Variants in BACH1 observed in about 807,000 individuals in gnomAD.
The protein encoded by BACH1 is transcription regulator protein BACH1.
BACH1 carries 35 observed loss-of-function variants against 52.9 expected under a neutral mutation model. The observed-to-expected ratio is 0.66, with a 90% confidence interval of 0.51 to 0.88. The LOEUF (loss-of-function observed/expected upper bound fraction) is 0.88, where lower values mean the gene tolerates loss of function less well. Ranked by LOEUF, BACH1 falls within the 40% of genes least tolerant of loss-of-function variation. BACH1 has a pLI of 0.00. For synonymous variants in BACH1, 321 were observed against 319.6 expected, an observed-to-expected ratio of 1.00 and a Z score of -0.05; for missense variants, 808 against 872.6, an observed-to-expected ratio of 0.93 and a Z score of 0.93.
intron 4 of BACH1, among the ~76,000 whole-genome samples, chr21:29,340,973 A>G (rs2089105198): frequency 6.6e-6 from 1 of 150,808 alleles, no homozygotes; most frequent in Non-Finnish European, 1.5e-5. Context: ...ATCTATTTAA[A>G]AAAAAAAAAA....
chr21:29,324,973 A>C (rs1351516187), intron 2 of BACH1, among the ~76,000 whole-genome samples: 1 of 152,300 alleles, frequency 6.6e-6, no homozygotes, highest in East Asian at 1.9e-4. Context: ...TCACGCCTGT[A>C]ATCCCAGCAC....
intron 2 of BACH1, among the ~76,000 whole-genome samples, chr21:29,356,169 G>C (rs1229278212): frequency 6.6e-6 from 1 of 152,200 alleles, no homozygotes; most frequent in African/African-American, 2.4e-5. Flanking sequence ...CTATTAAGTA[G>C]GGTATTAGTT....
At chr21:29,310,038 T>G (rs1420709125) in intron 1 of BACH1, among the ~76,000 whole-genome samples, 1 of 152,220 alleles carries the variant, frequency 6.6e-6, no homozygotes, top group African/African-American at 2.4e-5. Flanking sequence ...CCAAGTCTTC[T>G]TTTTATTTTA....
At chr21:29,324,791 C>T (rs555913387) in intron 2 of BACH1, among the ~76,000 whole-genome samples, 1 of 152,122 alleles carries the variant, frequency 6.6e-6, no homozygotes, top group Non-Finnish European at 1.5e-5. Context: ...AAGTTTTTTT[C>T]AAAGTGTCTG....
At chr21:29,352,693 GT>G (rs1423553472) in intron 2 of BACH1, 1 of 151,338 alleles carries the variant, frequency 6.6e-6, no homozygotes, top group Non-Finnish European at 1.5e-5. Flanking sequence ...GCTAATATTT[GT>G]TTTTGTTGTT....
intron 1 of BACH1, among the ~76,000 whole-genome samples, chr21:29,318,624 A>G (rs1209830414): frequency 6.6e-6 from 1 of 152,216 alleles, no homozygotes; most frequent in Non-Finnish European, 1.5e-5. Flanking sequence ...TGTTGAGCCA[A>G]TAATTAATTC....
At chr21:29,318,683 C>T (rs940263657) in intron 1 of BACH1, among the ~76,000 whole-genome samples, 10 of 152,130 alleles carry the variant, frequency 6.6e-5, no homozygotes, top group African/African-American at 1.4e-4. Context: ...GGATGAGAAG[C>T]GGTGGGCCAC....
At chr21:29,300,015 A>T (rs1485860708) in intron 1 of BACH1, 1 of 152,174 alleles carries the variant, frequency 6.6e-6, no homozygotes, top group Non-Finnish European at 1.5e-5. Flanking sequence ...TTAGTGGCAG[A>T]GCACTTGAGC....
chr21:29,300,328 G>A (rs1311954275), intron 1 of BACH1, among the ~76,000 whole-genome samples: 2 of 152,152 alleles, frequency 1.3e-5, no homozygotes, highest in East Asian at 3.8e-4. Context: ...TGAGTCATTC[G>A]CCCCAGCTTG....
chr21:29,348,499 G>C (rs1569025428), downstream of BACH1, among the ~76,000 whole-genome samples: 1 of 152,004 alleles, frequency 6.6e-6, no homozygotes, highest in Non-Finnish European at 1.5e-5. Context: ...GTTCCCCAAA[G>C]ATGCCCCAGT....
chr21:29,303,517 G>C (rs1787307591), intron 1 of BACH1, among the ~76,000 whole-genome samples: 1 of 152,180 alleles, frequency 6.6e-6, no homozygotes, highest in African/African-American at 2.4e-5. Context: ...ATCGTGTGTG[G>C]TACCTTGTAA....
intron 1 of BACH1, among the ~76,000 whole-genome samples, chr21:29,312,293 G>A (rs764922286): frequency 1.4e-4 from 21 of 152,184 alleles, no homozygotes; most frequent in African/African-American, 2.4e-4. Context: ...AATTGCACCC[G>A]CCTCTCTGCC....
intron 2 of BACH1, chr21:29,360,951 A>G: frequency 6.6e-6 from 1 of 152,076 alleles, no homozygotes; most frequent in East Asian, 1.9e-4. Flanking sequence ...CTCTCTTTGT[A>G]ATGCCTGCCA....
chr21:29,339,080 G>A (rs1164015833), intron 4 of BACH1, among the ~76,000 whole-genome samples: 1 of 152,214 alleles, frequency 6.6e-6, no homozygotes. Context: ...GGATCCTGCA[G>A]TGAATAACTG....
chr21:29,346,089 T>C lies in BACH1; in HGVS notation c.*3256T>C, dbSNP rs1413303673. On this transcript the variant is annotated 3_prime_UTR_variant, in exon 5 of 5. Coordinates refer to ENST00000286800, the MANE Select transcript of BACH1 (RefSeq NM_001186.4). ...CCAAATGTACCTGAACTAAAAAATG[T>C]TAGATGTTGGTGATAAGTTGACAGT... The C allele has an allele frequency of 6.6e-6, 1 of 152,520 alleles. No homozygotes were observed. The highest frequency in any genetic ancestry group is 2.1e-4 in the South Asian group (1 of 4,838). The allele number at this position is 152,520 out of a possible 1,614,324, so 9.4% of individuals were successfully genotyped here.
chr21:29,354,484 G>A (rs2089221860), intron 2 of BACH1, among the ~76,000 whole-genome samples: 1 of 152,186 alleles, frequency 6.6e-6, no homozygotes, highest in African/African-American at 2.4e-5. Flanking sequence ...AAGTTAGGTG[G>A]ACTGGACCAG....
At position 29,308,002 on chromosome 21, in the gene BACH1, A is replaced by G. The variant is rs1027955537; in HGVS notation, c.-61+9049A>G. Among the ~76,000 whole-genome samples, 10 of 152,366 alleles carry G rather than the reference A, an allele frequency of 6.6e-5. No homozygotes were observed. In the South Asian group the frequency reaches 1.0e-3, roughly 16 times the overall value. On this transcript the variant is annotated intron_variant, in intron 1 of 4. Transcript: ENST00000286800. Reference sequence around the variant, plus strand: ...CTGAACTGGTATTAGTTTTTTGGATAGAATTTAGAAAGACTTGTACTACCA... The same window carrying G: ...CTGAACTGGTATTAGTTTTTTGGATGGAATTTAGAAAGACTTGTACTACCA...
At chr21:29,358,770 A>AAAAGAAAAGAAAGAAAGAAGAAAG (rs1409780180) in intron 2 of BACH1, among the ~76,000 whole-genome samples, 34 of 108,890 alleles carry the variant, frequency 3.1e-4, no homozygotes, top group Admixed American at 9.8e-4. Context: ...AAAAGAAAAG[A>AAAAGAAAAGAAAGAAAGAAGAAAG]AAAGAAAGAA....
Position 29,327,048 on chromosome 21 carries a change from G to A in BACH1, c.1224G>A (p.Thr408=), listed in dbSNP as rs553265228. The change falls in exon 3 of 5, where the codon ACG becomes ACA. Residue 408 remains threonine (T), a synonymous_variant. Transcript: ENST00000286800. The stretch of plus-strand genomic sequence containing the variant: ...GCTTCTGGAGTGACATTTGCAGCAC[G>A]GACACTCCTTGCCAAATGCAGTTAT... ...AKGFWSDICS[T]DTPCQMQLSP... 6.2e-7 allele frequency: 1 copy of A among 1,614,120 alleles called. No homozygotes were observed. Among genetic ancestry groups the A allele is most frequent in the East Asian group, 2.2e-5 (1 of 44,884 alleles).
Sources: allele counts gnomAD v4.1 joint callset (sites outside exome capture counted in the v4.1 genomes callset), GRCh38; gene constraint gnomAD v4.1.1; transcripts MANE v1.5; gene names NCBI Gene and HGNC (gene_info 2026-07-23, HGNC 2026-07-21).